Variants in KIF26B observed in about 807,000 individuals in gnomAD.
KIF26B encodes kinesin family member 26B, also known as kinesin-like protein KIF26B.
KIF26B carries 63 observed loss-of-function variants against 151.2 expected under a neutral mutation model. The observed-to-expected ratio is 0.42, with a 90% CI of 0.34 to 0.51. The LOEUF is 0.51. KIF26B is among the 20% of genes least tolerant of loss of function. The pLI, the probability that KIF26B is intolerant of heterozygous loss-of-function variation, is 0.07. For missense variants in KIF26B, 2,813 were observed against 2,913.6 expected (o/e 0.97, Z 0.79); for synonymous variants, 1,357 against 1,262.1 (o/e 1.08, Z -1.59).
chr1:245,687,231 A>G lies in KIF26B; in HGVS notation c.4248A>G (p.Ala1416=). 1 of 1,612,790 alleles carries G rather than the reference A, an allele frequency of 6.2e-7. No homozygotes were observed. The highest frequency in any genetic ancestry group is 8.5e-7 in the Non-Finnish European group (1 of 1,179,646). ...EPEAPTATPK[A]GPTLAQSRES... is the part of the protein sequence containing the mutation. ...AGGCCCCCACCGCCACCCCCAAAGC[A>G]GGCCCCACATTAGCCCAGTCCCGGG... Residue 1416 remains alanine (A), a synonymous_variant, in exon 12 of 15, where the codon GCA becomes GCG. Transcript: ENST00000407071. The surrounding 1 kb of genome is among the most constrained non-coding windows in gnomAD (Gnocchi z 4.9).
chr1:245,574,440 G>C (rs2103124805), intron 5 of KIF26B, among the ~76,000 whole-genome samples: 1 of 152,290 alleles, frequency 6.6e-6, no homozygotes, highest in South Asian at 2.1e-4. Context: ...CACCATGCCT[G>C]ACCGAGACCA....
At chr1:245,503,201 G>A (rs1660657700) in intron 4 of KIF26B, among the ~76,000 whole-genome samples, 2 of 152,030 alleles carry the variant, frequency 1.3e-5, no homozygotes, top group Admixed American at 1.3e-4. Flanking sequence ...TTCCTGATTT[G>A]TCTTTTAAAA....
intron 2 of KIF26B, among the ~76,000 whole-genome samples, chr1:245,362,150 T>A (rs1348032893): frequency 6.6e-6 from 1 of 151,458 alleles, no homozygotes; most frequent in Non-Finnish European, 1.5e-5. Context: ...CCTCTGTGTC[T>A]CCTTGGTCCT....
intron 2 of KIF26B, among the ~76,000 whole-genome samples, chr1:245,183,018 T>C (rs781290023): frequency 1.1e-4 from 17 of 152,240 alleles, no homozygotes; most frequent in Non-Finnish European, 2.1e-4. Context: ...CTTTCGATGC[T>C]AGTATCACCC....
chr1:245,292,694 C>T (rs1171585081), intron 2 of KIF26B, among the ~76,000 whole-genome samples: 1 of 152,204 alleles, frequency 6.6e-6, no homozygotes, highest in African/African-American at 2.4e-5. Flanking sequence ...CATCTTCAGG[C>T]AGCATTTCTC....
chr1:245,696,442 G>A (rs771303272), intron 12 of KIF26B, among the ~76,000 whole-genome samples: 2 of 152,140 alleles, frequency 1.3e-5, no homozygotes, highest in African/African-American at 4.8e-5. Flanking sequence ...GAGGCTCTGA[G>A]CCAGAACCAC....
At chr1:245,405,420 GAGTGT>G (rs1181559609) in intron 3 of KIF26B, among the ~76,000 whole-genome samples, 1 of 152,206 alleles carries the variant, frequency 6.6e-6, no homozygotes, top group Non-Finnish European at 1.5e-5. Context: ...AGATGCCTGA[GAGTGT>G]TTTTAGTTAA....
At position 245,227,174 on chromosome 1, in the gene KIF26B, GTGTC is replaced by G. The variant is rs138925167; in HGVS notation, c.465+70498_465+70501del. 3.3e-3 allele frequency among the ~76,000 whole-genome samples: 496 copies of G among 152,282 alleles called. 6 individuals carry two copies. Among genetic ancestry groups the G allele is most frequent in the African/African-American group, 0.012 (483 of 41,560 alleles). On this transcript the variant is annotated intron_variant, in intron 2 of 14. Transcript: ENST00000407071. This position sits in a 1 kb window ranked among gnomAD's most constrained non-coding sequence, Gnocchi z 4.1. ...CAGATCCAGTTGCGGAGAGGCGTGT[GTGTC>G]TGTCTGGTTGAGCTGAAACGTGGGC...
intron 9 of KIF26B, among the ~76,000 whole-genome samples, chr1:245,619,248 A>G (rs542776037): frequency 2.6e-5 from 4 of 151,786 alleles, no homozygotes; most frequent in African/African-American, 9.7e-5. Context: ...CTATTAGACT[A>G]TGGGTTCCTT....
At chr1:245,251,555 C>G (rs1407364022) in intron 2 of KIF26B, among the ~76,000 whole-genome samples, 1 of 152,076 alleles carries the variant, frequency 6.6e-6, no homozygotes, top group East Asian at 1.9e-4. Flanking sequence ...TAACACATTC[C>G]TTTTTGTATT....
intron 4 of KIF26B, among the ~76,000 whole-genome samples, chr1:245,505,573 CGG>C (rs1660715484): frequency 6.6e-6 from 1 of 151,926 alleles, no homozygotes; most frequent in Non-Finnish European, 1.5e-5. Context: ...GTAGTAGAGA[CGG>C]GGTTTCACCG....
intron 4 of KIF26B, among the ~76,000 whole-genome samples, chr1:245,478,373 C>T (rs1156571182): frequency 6.7e-6 from 1 of 150,098 alleles, no homozygotes; most frequent in African/African-American, 2.4e-5. Context: ...TTGAGCATTG[C>T]TTTTCTCCTG....
At chr1:245,670,670 T>C (rs962976846) in intron 10 of KIF26B, among the ~76,000 whole-genome samples, 2 of 152,114 alleles carry the variant, frequency 1.3e-5, no homozygotes, top group African/African-American at 2.4e-5. Flanking sequence ...GGTATGTAAA[T>C]ATAATGGAAT....
intron 2 of KIF26B, among the ~76,000 whole-genome samples, chr1:245,249,347 C>T (rs1357233768): frequency 6.6e-6 from 1 of 152,076 alleles, no homozygotes; most frequent in Admixed American, 6.6e-5. Context: ...GATCCGCCCG[C>T]CTTGGCTTCC....
intron 3 of KIF26B, chr1:245,370,539 C>T: frequency 2.2e-6 from 1 of 453,604 alleles, no homozygotes; most frequent in Non-Finnish European, 4.4e-6. Context: ...GAGCCACATA[C>T]TTGTGTTACA....
At chr1:245,180,655 C>A (rs946272967) in intron 2 of KIF26B, among the ~76,000 whole-genome samples, 1 of 151,444 alleles carries the variant, frequency 6.6e-6, no homozygotes, top group African/African-American at 2.4e-5. Context: ...TCATGTGGTC[C>A]GGAGTACTGT....
chr1:245,258,555 T>C (rs1670580701), intron 2 of KIF26B, among the ~76,000 whole-genome samples: 2 of 152,126 alleles, frequency 1.3e-5, no homozygotes, highest in African/African-American at 4.8e-5. Context: ...ATCCATAAAA[T>C]AGAGACTAAA....
chr1:245,287,030 A>AC (rs1488551834), intron 2 of KIF26B, among the ~76,000 whole-genome samples: 1 of 151,920 alleles, frequency 6.6e-6, no homozygotes, highest in African/African-American at 2.4e-5. Flanking sequence ...AATCGCTTGA[A>AC]CCCAGGAGGT....
chr1:245,407,688 A>G (rs1026317195), intron 3 of KIF26B, among the ~76,000 whole-genome samples: 2 of 152,168 alleles, frequency 1.3e-5, no homozygotes, highest in Non-Finnish European at 2.9e-5. Flanking sequence ...CCCCAACCCA[A>G]CTAAATTAAG....
Sources: gnomAD v4.1 joint callset for allele counts (sites outside exome capture counted in the v4.1 genomes callset) on GRCh38, gnomAD v4.1.1 for gene constraint, Gnocchi (gnomAD v3.1) non-coding constraint, MANE v1.5 for transcripts, NCBI Gene and HGNC (gene_info 2026-07-23, HGNC 2026-07-21) for gene names.